DCLK1: variants seen among roughly 807,000 people sequenced by gnomAD.
DCLK1 encodes doublecortin like kinase 1.
A neutral mutation model predicts 86.2 loss-of-function variants in DCLK1; 16 were observed. That is an observed-to-expected ratio of 0.19 (90% confidence interval 0.13 to 0.28). The LOEUF (loss-of-function observed/expected upper bound fraction) is 0.28. Among genes scored for constraint, DCLK1 ranks in the 10% least tolerant of loss-of-function variants. The pLI is 1.00. For synonymous variants in DCLK1, 369 were observed against 370.5 expected, an observed-to-expected ratio of 1.00 and a Z score of 0.05; for missense variants, 590 against 940.2, an observed-to-expected ratio of 0.63 and a Z score of 4.87.
chr13:35,822,640 AAAAAAAGAAAGAAAAG>A, intron 11 of DCLK1, 73 bp downstream of exon 11: 1 of 1,570,768 alleles, frequency 6.4e-7, no homozygotes, highest in Non-Finnish European at 8.7e-7. Context: ...GTAAATTTTT[AAAAAAAGAAAGAAAAG>A]AAAAAAGAAA....
intron 3 of DCLK1, among the ~76,000 whole-genome samples, chr13:35,978,854 A>C (rs1464373658): frequency 2.6e-5 from 4 of 152,182 alleles, no homozygotes; most frequent in African/African-American, 7.2e-5. Context: ...TGATGGAACT[A>C]TCTTCTAAAA....
chr13:36,036,459 G>C (rs1156657700), intron 3 of DCLK1, among the ~76,000 whole-genome samples: 1 of 152,078 alleles, frequency 6.6e-6, no homozygotes, highest in Non-Finnish European at 1.5e-5. Flanking sequence ...GTGTCAGTGT[G>C]GTATGTTTTT....
chr13:35,964,447 T>C (rs1456562141), intron 3 of DCLK1, among the ~76,000 whole-genome samples: 1 of 152,238 alleles, frequency 6.6e-6, no homozygotes, highest in African/African-American at 2.4e-5. Context: ...GTTTTTAAAC[T>C]TCCGTCTTCC....
intron 4 of DCLK1, among the ~76,000 whole-genome samples, chr13:35,944,814 G>A (rs1278380039): frequency 6.6e-6 from 1 of 152,116 alleles, no homozygotes; most frequent in Non-Finnish European, 1.5e-5. Context: ...TGGAGAAGGT[G>A]TCCTGGGGTG....
chr13:36,017,534 G>T (rs1007436391), intron 3 of DCLK1, among the ~76,000 whole-genome samples: 6 of 152,142 alleles, frequency 3.9e-5, no homozygotes, highest in Admixed American at 6.6e-5. Context: ...GTACTCTGGG[G>T]TATGGTATGA....
chr13:36,073,528 C>G (rs1884055582), intron 3 of DCLK1, among the ~76,000 whole-genome samples: 1 of 152,122 alleles, frequency 6.6e-6, no homozygotes, highest in Admixed American at 6.5e-5. Context: ...CCTCTAAAAG[C>G]AGGTATCTGA....
chr13:35,846,009 C>T, intron 6 of DCLK1: 1 of 985,396 alleles, frequency 1.0e-6, no homozygotes, highest in Non-Finnish European at 1.2e-6. Flanking sequence ...CAACATTTTA[C>T]AATGAAACCA....
In DCLK1 at chr13:35,771,465, T is replaced by C. The variant is rs996610362; in HGVS notation, c.*3070A>G. ...GAAATCTTACTTTTCCTTCTAACGA[T>C]CTGGAGCAAATCACATATTCATTGA... On this transcript the variant is annotated 3_prime_UTR_variant, in exon 17 of 17. Transcript: ENST00000360631. The C allele has an allele frequency of 3.3e-5, 5 of 152,164 alleles. No individual in the cohort carries two copies. Among genetic ancestry groups the C allele is most frequent in the Admixed American group, 2.6e-4 (4 of 15,280 alleles). The allele number at this position is 152,164 out of a possible 1,614,324, so 9.4% of individuals were successfully genotyped here. A position where few individuals can be genotyped will look rare whatever the true frequency, so the allele number is the denominator to read the frequency against.
In DCLK1 at chr13:35,862,943, G is replaced by T. The variant is rs78728342; in HGVS notation, c.940+8281C>A. ...ACAAAACAATGTTTTGGTCAACAAG[G>T]GACCATATATCCGATGGTGGTCCCA... On this transcript the variant is annotated intron_variant, in intron 5 of 16. Coordinates refer to ENST00000360631, the MANE Select transcript of DCLK1 (RefSeq NM_001330071.2). 9.1e-4 allele frequency among the ~76,000 whole-genome samples: 139 copies of T among 152,210 alleles called. 1 individual carries two copies. In the East Asian group the frequency reaches 0.027, roughly 29 times the overall value.
intron 3 of DCLK1, among the ~76,000 whole-genome samples, chr13:35,978,371 A>C (rs1879463275): frequency 6.6e-6 from 1 of 151,728 alleles, no homozygotes; most frequent in Non-Finnish European, 1.5e-5. Context: ...ACGCCCGGCT[A>C]ATTTTTGTAT....
chr13:35,798,365 C>T (rs766049406), intron 15 of DCLK1, among the ~76,000 whole-genome samples: 8 of 152,226 alleles, frequency 5.3e-5, no homozygotes, highest in Non-Finnish European at 8.8e-5. Context: ...ATCTGGTTTG[C>T]AGTCTATTCA....
At chr13:36,091,433 G>A (rs1350604271) in intron 3 of DCLK1, among the ~76,000 whole-genome samples, 1 of 152,128 alleles carries the variant, frequency 6.6e-6, no homozygotes, top group African/African-American at 2.4e-5. Context: ...AGTGTCTCAG[G>A]GCAGGGACCA....
intron 4 of DCLK1, among the ~76,000 whole-genome samples, chr13:35,892,582 T>C (rs1250324481): frequency 6.6e-6 from 1 of 152,228 alleles, no homozygotes; most frequent in Non-Finnish European, 1.5e-5. Flanking sequence ...CAGTAGAAAG[T>C]GATCAGATAA....
chr13:35,866,342 G>A (rs944138390), intron 5 of DCLK1, among the ~76,000 whole-genome samples: 4 of 151,936 alleles, frequency 2.6e-5, no homozygotes, highest in African/African-American at 9.7e-5. Flanking sequence ...TTTATAATAC[G>A]CTCCAATTTC....
intron 4 of DCLK1, among the ~76,000 whole-genome samples, chr13:35,881,345 C>T (rs1264761390): frequency 1.3e-5 from 2 of 152,186 alleles, no homozygotes; most frequent in African/African-American, 2.4e-5. Flanking sequence ...TCTAACCAAT[C>T]CCGTAGAGTG....
intron 3 of DCLK1, among the ~76,000 whole-genome samples, chr13:35,978,203 CTTTT>C (rs11311688): frequency 2.4e-5 from 2 of 82,762 alleles, no homozygotes; most frequent in African/African-American, 9.8e-5. Context: ...CTTTTCTTTT[CTTTT>C]TTTTTTTTTT....
At chr13:35,921,090 C>T (rs1004947562) in intron 4 of DCLK1, among the ~76,000 whole-genome samples, 1 of 152,206 alleles carries the variant, frequency 6.6e-6, no homozygotes, top group Non-Finnish European at 1.5e-5. Context: ...CCATTCTCAG[C>T]TGCTTTCAAA....
At chr13:35,848,174 C>A in intron 6 of DCLK1, 1 of 985,264 alleles carries the variant, frequency 1.0e-6, no homozygotes, top group East Asian at 1.1e-4. Context: ...TTTGCTGAAG[C>A]ATTCCCCGCT....
chr13:35,902,497 G>T (rs147556566), intron 4 of DCLK1, among the ~76,000 whole-genome samples: 6 of 152,320 alleles, frequency 3.9e-5, no homozygotes, highest in African/African-American at 1.4e-4. Context: ...GAGGTGATTT[G>T]CGGGCAGAAG....
Sources: gnomAD v4.1 joint callset for allele counts (sites outside exome capture counted in the v4.1 genomes callset) on GRCh38, gnomAD v4.1.1 for gene constraint, MANE v1.5 for transcripts, NCBI Gene and HGNC (gene_info 2026-07-23, HGNC 2026-07-21) for gene names.